FAAH2: variants seen among roughly 807,000 people sequenced by gnomAD.
FAAH2 encodes fatty acid amide hydrolase 2.
FAAH2 carries 60 observed loss-of-function variants against 36.9 expected under a neutral mutation model. That is an observed-to-expected ratio of 1.63 (90% CI 1.32 to 2.02). The LOEUF (loss-of-function observed/expected upper bound fraction) is 2.02, where lower values mean the gene tolerates loss of function less well. FAAH2 is among the 30% of genes most tolerant of loss of function. The pLI is 0.00. For synonymous variants in FAAH2, 214 were observed against 143.8 expected, an observed-to-expected ratio of 1.49 and a Z score of -3.49; for missense variants, 689 against 397.5, an observed-to-expected ratio of 1.73 and a Z score of -6.23.
At position 57,423,361 on chromosome X, in the gene FAAH2, A is replaced by T. The variant is rs1048334403; in HGVS notation, c.997-8557A>T. Among the ~76,000 whole-genome samples, 22 of 111,231 alleles carry T rather than the reference A, an allele frequency of 2.0e-4. No individual in the cohort carries two copies. In the Admixed American group the frequency reaches 2.0e-3, roughly 10 times the overall value. ...ATGAGCTGCAGGTGCAGAAATTGGG[A>T]GCTCTTCCCTTGGCAGGACTAGACC... On this transcript the variant is annotated intron_variant, in intron 7 of 10. Transcript: ENST00000374900.
At chrX:57,217,994 C>T in the FAAH2 span, among the ~76,000 whole-genome samples, 1 of 111,407 alleles carries the variant, frequency 9.0e-6, no homozygotes, top group African/African-American at 3.3e-5. Context: ...TTTGATTCTC[C>T]ACTTGGTCAC....
chrX:57,331,061 C>T (rs1286986170), intron 3 of FAAH2, among the ~76,000 whole-genome samples: 1 of 110,979 alleles, frequency 9.0e-6, no homozygotes, highest in Non-Finnish European at 1.9e-5. Flanking sequence ...TCTGACAGTT[C>T]CCCTAGGGCT....
intron 5 of FAAH2, among the ~76,000 whole-genome samples, chrX:57,374,970 C>T (rs1360321490): frequency 2.7e-5 from 3 of 111,213 alleles, no homozygotes; most frequent in South Asian, 7.6e-4. Flanking sequence ...GAAGATCATG[C>T]GATTTTTGTT....
At chrX:57,201,936 T>G in the FAAH2 span, among the ~76,000 whole-genome samples, 16 of 111,947 alleles carry the variant, frequency 1.4e-4, no homozygotes, top group Non-Finnish European at 2.8e-4. Context: ...CTGTAATACA[T>G]TCTTACATTT....
At chrX:57,174,775 T>A in the FAAH2 span, among the ~76,000 whole-genome samples, 1 of 111,870 alleles carries the variant, frequency 8.9e-6, no homozygotes, top group Non-Finnish European at 1.9e-5. Flanking sequence ...TGATAACTTG[T>A]GTCACTGTTA....
chrX:57,461,790 A>G (rs1257510003), intron 10 of FAAH2, among the ~76,000 whole-genome samples: 1 of 109,339 alleles, frequency 9.1e-6, no homozygotes, highest in Admixed American at 9.9e-5. Flanking sequence ...AAGACACAAA[A>G]TAAGATCAGA....
chrX:57,360,121 A>G (rs2054253743), intron 5 of FAAH2, among the ~76,000 whole-genome samples: 2 of 110,021 alleles, frequency 1.8e-5, no homozygotes, highest in South Asian at 7.8e-4. Context: ...TTCTCTCTTT[A>G]TCTGTGATTT....
At chrX:57,137,300 T>C in the FAAH2 span, 1 of 758,677 alleles carries the variant, frequency 1.3e-6, no homozygotes, top group Non-Finnish European at 1.6e-6. Context: ...CGAAGGAGGG[T>C]CAACAGGCGA....
the FAAH2 span, among the ~76,000 whole-genome samples, chrX:57,244,043 A>G: frequency 1.8e-5 from 2 of 108,540 alleles, no homozygotes; most frequent in Non-Finnish European, 3.8e-5. Context: ...ACCAGTTTAG[A>G]GAACATAAAT....
At chrX:57,422,957 A>G (rs913379692) in intron 7 of FAAH2, among the ~76,000 whole-genome samples, 14 of 112,284 alleles carry the variant, frequency 1.2e-4, no homozygotes, top group African/African-American at 2.9e-4. Context: ...GGTGGGTCCA[A>G]TGGAAATTTG....
intron 5 of FAAH2, among the ~76,000 whole-genome samples, chrX:57,373,929 C>T (rs2054609775): frequency 9.0e-6 from 1 of 111,187 alleles, no homozygotes; most frequent in South Asian, 3.8e-4. Context: ...TTTCATTATC[C>T]TAGATGTGGT....
At chrX:57,243,264 G>C in the FAAH2 span, among the ~76,000 whole-genome samples, 1 of 112,096 alleles carries the variant, frequency 8.9e-6, no homozygotes, top group South Asian at 3.7e-4. Context: ...GGGGCTTATA[G>C]ATAAAACTTT....
chrX:57,161,967 A>T, the FAAH2 span, among the ~76,000 whole-genome samples: 9 of 111,809 alleles, frequency 8.0e-5, no homozygotes, highest in Non-Finnish European at 1.7e-4. Flanking sequence ...GATGGTCTTT[A>T]CATTTTGGCA....
At chrX:57,446,113 A>G (rs2056669086) in intron 8 of FAAH2, among the ~76,000 whole-genome samples, 1 of 112,181 alleles carries the variant, frequency 8.9e-6, no homozygotes, top group African/African-American at 3.2e-5. Flanking sequence ...CTGGGTTGCA[A>G]TGCAAAGTAG....
intron 10 of FAAH2, chrX:57,452,374 C>T: frequency 5.5e-6 from 4 of 725,881 alleles, no homozygotes; most frequent in Non-Finnish European, 6.5e-6. Flanking sequence ...CAGTCATTAA[C>T]AATTGATCAC....
chrX:57,332,094 A>G (rs2053424399), intron 4 of FAAH2, among the ~76,000 whole-genome samples: 2 of 112,422 alleles, frequency 1.8e-5, no homozygotes, highest in Admixed American at 1.9e-4. Context: ...ACTAGGAAAA[A>G]AAAGTGTATA....
At chrX:57,415,267 C>T (rs773081990) in intron 7 of FAAH2, among the ~76,000 whole-genome samples, 9 of 111,196 alleles carry the variant, frequency 8.1e-5, no homozygotes, top group Middle Eastern at 4.6e-3. Context: ...CTTCTGCTAG[C>T]TTTTGAATTT....
chrX:57,373,399 T>A (rs1340141190), intron 5 of FAAH2, among the ~76,000 whole-genome samples: 1 of 110,078 alleles, frequency 9.1e-6, no homozygotes, highest in Non-Finnish European at 1.9e-5. Flanking sequence ...CTTTTTTTTT[T>A]TTATTTGATT....
intron 7 of FAAH2, among the ~76,000 whole-genome samples, chrX:57,410,505 A>G (rs1163970896): frequency 8.9e-6 from 1 of 112,000 alleles, no homozygotes; most frequent in East Asian, 2.8e-4. Flanking sequence ...CAGATCTATT[A>G]TAATTTGCTT....
Sources: gnomAD v4.1 joint callset for allele counts (sites outside exome capture counted in the v4.1 genomes callset) on GRCh38, gnomAD v4.1.1 for gene constraint, MANE v1.5 for transcripts, NCBI Gene and HGNC (gene_info 2026-07-23, HGNC 2026-07-21) for gene names.